TTC21A: variants seen among roughly 807,000 people sequenced by gnomAD.
TTC21A encodes tetratricopeptide repeat protein 21A.
In TTC21A, 128 loss-of-function variants were observed where a neutral mutation model predicts 156.4. The observed-to-expected ratio is 0.82, with a 90% CI of 0.71 to 0.95. The LOEUF (loss-of-function observed/expected upper bound fraction) is 0.95. TTC21A is among the 40% of genes least tolerant of loss of function. TTC21A has a pLI of 0.00. For synonymous variants in TTC21A, 587 were observed against 617.1 expected (o/e 0.95, Z 0.72); for missense variants, 1,435 against 1,602.3 (o/e 0.90, Z 1.78).
Position 39,130,570 on chromosome 3 carries a change from G to A in TTC21A, c.2320-131G>A, listed in dbSNP as rs891531195. ...GAGGGTTACACCCTGTGCCAGCTGGGAGGAGTGCCTTTTCACTTTAGGCTA... is the reference window on the plus strand; with the variant it reads ...GAGGGTTACACCCTGTGCCAGCTGGAAGGAGTGCCTTTTCACTTTAGGCTA... On this transcript the variant is annotated intron_variant, in intron 17 of 28. Transcript: ENST00000683103. This position sits in a 1 kb window ranked among gnomAD's most constrained non-coding sequence, Gnocchi z 4.5. 4.9e-6 allele frequency: 6 copies of A among 1,227,406 alleles called. No individual in the cohort carries two copies. The African/African-American group carries it at 9.0e-5, about 18-fold the overall frequency. 76.0% of individuals were successfully genotyped at this position (1,227,406 alleles called of 1,614,324 possible). A position where few individuals can be genotyped will look rare whatever the true frequency, so the allele number is the denominator to read the frequency against.
chr3:39,126,967 G>GA lies in TTC21A; in HGVS notation c.1522+580dup, dbSNP rs200750551. ...ACATGGTAATGCTATGGAAGAAGCTGAAACAGGGAAGTGATGCAGGGGTGG... is the reference window on the plus strand; with the variant it reads ...ACATGGTAATGCTATGGAAGAAGCTGAAAACAGGGAAGTGATGCAGGGGTGG... On this transcript the variant is annotated intron_variant, in intron 12 of 28. Transcript: ENST00000683103. 8.2e-3 allele frequency among the ~76,000 whole-genome samples: 1,253 copies of GA among 152,326 alleles called. 9 individuals are homozygous for GA. Among genetic ancestry groups the GA allele is most frequent in the Middle Eastern group, 0.031 (9 of 294 alleles).
chr3:39,109,534 G>A (rs954180653), intron 2 of TTC21A, among the ~76,000 whole-genome samples: 2 of 152,026 alleles, frequency 1.3e-5, no homozygotes, highest in African/African-American at 2.4e-5. Flanking sequence ...AGGCAAAGGA[G>A]GGGGAAGAGG....
chr3:39,130,097 G>C lies in TTC21A; in HGVS notation c.2154G>C (p.Leu718=), dbSNP rs1386704404. Residue 718 remains leucine (L), a synonymous_variant, in exon 16 of 29, where the codon CTG becomes CTC. Coordinates refer to ENST00000683103, the MANE Select transcript of TTC21A (RefSeq NM_001366900.1). The surrounding 1 kb of genome is among the most constrained non-coding windows in gnomAD (Gnocchi z 4.5). ...IRCYRELCEH[L]PGPHTSLLLG... ...CTTGCAGTGAGCTCTGTGAACATCT[G>C]CCTGGCCCCCACACCAGCCTGCTAC... 1.9e-6 allele frequency: 3 copies of C among 1,614,024 alleles called. No homozygotes were observed. The highest frequency in any genetic ancestry group is 1.7e-5 in the Admixed American group (1 of 59,996).
intron 6 of TTC21A, among the ~76,000 whole-genome samples, chr3:39,115,727 A>G (rs1023038577): frequency 3.9e-5 from 6 of 152,072 alleles, no homozygotes; most frequent in Non-Finnish European, 7.3e-5. Flanking sequence ...TTTTATCGCA[A>G]TCATTCTAAA....
chr3:39,119,635 A>AAAAAAAAAG (rs1553680864), intron 7 of TTC21A: 458 of 201,020 alleles, frequency 2.3e-3, no homozygotes, highest in African/African-American at 4.8e-3. Context: ...AGCAGTCAAA[A>AAAAAAAAAG]AAAAAAAAGA....
chr3:39,118,255 G>C (rs1000641961), intron 7 of TTC21A, 102 bp downstream of exon 7: 2 of 1,141,132 alleles, frequency 1.8e-6, no homozygotes, highest in Admixed American at 1.7e-5. Context: ...GGGAGCTCCT[G>C]GATCTCAGCT....
At chr3:39,112,799 C>G (rs2036946227) in intron 5 of TTC21A, among the ~76,000 whole-genome samples, 1 of 152,158 alleles carries the variant, frequency 6.6e-6, no homozygotes, top group African/African-American at 2.4e-5. Flanking sequence ...ATCTGAGTTT[C>G]TGTCTCATTT....
In TTC21A at chr3:39,137,025, C is replaced by A. The variant is rs372211332; in HGVS notation, c.3222C>A (p.Gly1074=). The change falls in exon 24 of 29, where the codon GGC becomes GGA. Residue 1074 remains glycine, a synonymous_variant. Transcript: ENST00000683103. ...TGAATCCAGACAACGAGGTTGTGGG[C>A]GGAGAGGCTTTTGAGAACCAGGGAG... ...ICLNPDNEVV[G]GEAFENQGAE... The A allele has an allele frequency of 1.9e-5, 31 of 1,613,944 alleles. No homozygotes were observed. The highest frequency in any genetic ancestry group is 2.6e-5 in the Non-Finnish European group (31 of 1,179,986).
Position 39,129,175 on chromosome 3 carries a change from G to C in TTC21A, c.2000G>C (p.Gly667Ala). The C allele has an allele frequency of 1.2e-6, 2 of 1,614,218 alleles. No homozygotes were observed. The highest frequency in any genetic ancestry group is 1.7e-6 in the Non-Finnish European group (2 of 1,180,036). The change falls in exon 15 of 29, where the codon GGC (glycine) becomes GCC (alanine). Residue 667 changes from glycine (G) to alanine (A), a missense_variant. Coordinates refer to ENST00000683103, the MANE Select transcript of TTC21A (RefSeq NM_001366900.1). The part of the protein sequence containing the change: ...IANVDLVLSK[G>A]NVDVALNMLR... The stretch of plus-strand genomic sequence containing the variant: ...AACGTGGACTTGGTCCTGAGCAAGG[G>C]CAATGTGGACGTGGCGCTGAACATG...
chr3:39,138,119 G>C, intron 26 of TTC21A, 148 bp from the exon 27 acceptor site: 1 of 1,197,590 alleles, frequency 8.4e-7, no homozygotes, highest in Non-Finnish European at 1.2e-6. Flanking sequence ...CAAAGGTTGG[G>C]GTACCCCTGG....
At chr3:39,124,747 C>T (rs755448290) in intron 9 of TTC21A, among the ~76,000 whole-genome samples, 1 of 149,508 alleles carries the variant, frequency 6.7e-6, no homozygotes, top group African/African-American at 2.4e-5. Context: ...CATTGGTATG[C>T]TCATGTGTAC....
rs759570040 is a variant in TTC21A at position 39,125,331 on chromosome 3, G to T, written c.1192-1G>T. 3.1e-6 allele frequency: 5 copies of T among 1,613,576 alleles called. No individual in the cohort carries two copies. In the East Asian group the frequency reaches 1.1e-4, roughly 36 times the overall value. ...CTGAGACTCGGTCCTCTCTTCCACA[G>T]GTGCTAATTTTCCTCCAAGCCCTCC... is the stretch of plus-strand genomic sequence containing the variant. On this transcript the variant is annotated splice_acceptor_variant, in intron 10 of 28. Coordinates refer to ENST00000683103, the MANE Select transcript of TTC21A (RefSeq NM_001366900.1). LOFTEE classifies it high-confidence loss of function.
intron 2 of TTC21A, 44 bp downstream of exon 2, chr3:39,109,258 TG>T: frequency 6.3e-7 from 1 of 1,595,086 alleles, no homozygotes; most frequent in Non-Finnish European, 8.6e-7. Flanking sequence ...AGGCACTAGC[TG>T]GGCCCTAACA....
intron 26 of TTC21A, 67 bp from the exon 27 acceptor site, chr3:39,138,200 C>T: frequency 6.2e-7 from 1 of 1,606,424 alleles, no homozygotes. Context: ...GGTCCCAGTC[C>T]CACCCTGGCC....
intron 8 of TTC21A, among the ~76,000 whole-genome samples, chr3:39,120,431 C>T (rs1386269099): frequency 6.6e-6 from 1 of 152,180 alleles, no homozygotes; most frequent in Non-Finnish European, 1.5e-5. Context: ...CTGCCTAGGC[C>T]TCTCAAACAT....
At chr3:39,122,267 C>T (rs2037830543) in intron 9 of TTC21A, among the ~76,000 whole-genome samples, 1 of 151,254 alleles carries the variant, frequency 6.6e-6, no homozygotes, top group Non-Finnish European at 1.5e-5. Flanking sequence ...GCCGAGATGA[C>T]ACCACTGCAC....
chr3:39,108,298 A>C, intron 1 of TTC21A: 2 of 183,782 alleles, frequency 1.1e-5, no homozygotes, highest in East Asian at 1.5e-4. Flanking sequence ...TTATCTTTTT[A>C]TCTTCTAGCC....
Position 39,130,305 on chromosome 3 carries a change from T to G in TTC21A, c.2266T>G (p.Ser756Ala). The change falls in exon 17 of 29, where the codon TCC becomes GCC. Residue 756 changes from serine to alanine, a missense_variant. Coordinates refer to ENST00000683103, the MANE Select transcript of TTC21A (RefSeq NM_001366900.1). This position sits in a 1 kb window ranked among gnomAD's most constrained non-coding sequence, Gnocchi z 4.5. ...EAYRQNPHDA[S>A]LASRIGHAYV... ...CTATAGACAGAACCCACATGACGCC[T>G]CCCTGGCCAGCAGAATTGGGCACGC... 6.2e-7 allele frequency: 1 copy of G among 1,613,884 alleles called. No homozygotes were observed. Among genetic ancestry groups the G allele is most frequent in the African/African-American group, 1.3e-5 (1 of 74,990 alleles).
intron 26 of TTC21A, 64 bp from the exon 27 acceptor site, chr3:39,138,203 C>T (rs777965131): frequency 6.2e-7 from 1 of 1,608,224 alleles, no homozygotes; most frequent in Non-Finnish European, 8.5e-7. Flanking sequence ...CCCAGTCCCA[C>T]CCTGGCCCAG....
Sources: gnomAD v4.1 joint callset for allele counts (sites outside exome capture counted in the v4.1 genomes callset) on GRCh38, gnomAD v4.1.1 for gene constraint, Gnocchi (gnomAD v3.1) non-coding constraint, MANE v1.5 for transcripts, NCBI Gene and HGNC (gene_info 2026-07-23, HGNC 2026-07-21) for gene names.